Variants in ZNF766 observed in about 807,000 individuals in gnomAD.
ZNF766 encodes zinc finger protein 766.
Under a neutral mutation model 13.2 loss-of-function variants are expected in ZNF766, and 13 were observed. The ratio of observed to expected loss-of-function variants is 0.98; its 90% CI spans 0.64 to 1.56. ZNF766 has a LOEUF of 1.56. Ranked by LOEUF, ZNF766 falls within the 40% of genes most tolerant of loss-of-function variation. The pLI is 0.00. For synonymous variants in ZNF766, 178 were observed against 187.6 expected, an observed-to-expected ratio of 0.95 and a Z score of 0.42; for missense variants, 521 against 552.2, an observed-to-expected ratio of 0.94 and a Z score of 0.57.
chr19:52,281,350 C>T (rs1005683069), intron 1 of ZNF766: 2 of 257,138 alleles, frequency 7.8e-6, no homozygotes, highest in African/African-American at 4.8e-5. Flanking sequence ...GAAACCTTGT[C>T]TCTACTGAAA....
chr19:52,272,255 C>G (rs967210322), intron 1 of ZNF766, among the ~76,000 whole-genome samples: 1 of 152,116 alleles, frequency 6.6e-6, no homozygotes, highest in African/African-American at 2.4e-5. Flanking sequence ...CTCTGTGTTT[C>G]GAAGTCCAAT....
chr19:52,290,422 G>T lies in ZNF766; in HGVS notation c.631G>T (p.Ala211Ser). 1.2e-6 allele frequency: 2 copies of T among 1,613,920 alleles called. No homozygotes were observed. Among genetic ancestry groups the T allele is most frequent in the Non-Finnish European group, 1.7e-6 (2 of 1,180,028 alleles). ...SLPNHQVIHTADKPNRCHECG... is the reference protein window; with the variant it reads ...SLPNHQVIHTSDKPNRCHECG... Reference sequence around the variant, plus strand: ...TCCTAATCATCAAGTAATCCACACTGCAGATAAACCTAACAGATGTCATGA... The same window carrying T: ...TCCTAATCATCAAGTAATCCACACTTCAGATAAACCTAACAGATGTCATGA... The change falls in exon 4 of 4, where the codon GCA becomes TCA. Residue 211 changes from alanine (A) to serine (S), a missense_variant. By Grantham distance (99) the Ala-to-Ser change is moderately conservative (BLOSUM62 1). Coordinates refer to ENST00000439461, the MANE Select transcript of ZNF766 (RefSeq NM_001010851.3).
At chr19:52,270,711 A>G (rs535251799) in intron 1 of ZNF766, among the ~76,000 whole-genome samples, 2 of 152,226 alleles carry the variant, frequency 1.3e-5, no homozygotes, top group East Asian at 3.9e-4. Context: ...GCAGAAATAT[A>G]TGGAGATTGG....
At chr19:52,280,232 C>T (rs1369402678) in intron 1 of ZNF766, among the ~76,000 whole-genome samples, 2 of 152,046 alleles carry the variant, frequency 1.3e-5, no homozygotes, top group South Asian at 2.1e-4. Flanking sequence ...GCAGTATGTG[C>T]ACCGTTAGCC....
intron 1 of ZNF766, among the ~76,000 whole-genome samples, chr19:52,275,042 A>G (rs966538218): frequency 1.3e-5 from 2 of 152,188 alleles, no homozygotes; most frequent in African/African-American, 2.4e-5. Flanking sequence ...GACAAAAGAA[A>G]CAAAGCAAGC....
chr19:52,291,906 C>T lies in ZNF766; in HGVS notation c.*708C>T, dbSNP rs910119351. 2.3e-5 allele frequency: 11 copies of T among 487,140 alleles called. No homozygotes were observed. Among genetic ancestry groups the T allele is most frequent in the Non-Finnish European group, 4.0e-5 (11 of 275,082 alleles). The allele number at this position is 487,140 out of a possible 1,614,324, so 30.2% of individuals were successfully genotyped here. On this transcript the variant is annotated 3_prime_UTR_variant, in exon 4 of 4. Transcript: ENST00000439461. ...TATGGGCAACGTAGCAAGGCCCATC[C>T]CTACAAAATAAAAAAAATAAGCCAG...
intron 1 of ZNF766, chr19:52,277,303 C>T (rs1374848785): frequency 1.0e-6 from 1 of 964,886 alleles, no homozygotes; most frequent in Non-Finnish European, 1.5e-6. Flanking sequence ...ACTACGAATA[C>T]AAAAAATTAC....
At chr19:52,279,216 C>T (rs1981362024) in intron 1 of ZNF766, among the ~76,000 whole-genome samples, 1 of 152,136 alleles carries the variant, frequency 6.6e-6, no homozygotes, top group South Asian at 2.1e-4. Flanking sequence ...GCTGACTATT[C>T]TGTTCCATTG....
intron 1 of ZNF766, among the ~76,000 whole-genome samples, chr19:52,280,504 T>C (rs1402686547): frequency 6.6e-6 from 1 of 152,238 alleles, no homozygotes; most frequent in African/African-American, 2.4e-5. Flanking sequence ...GTGATGTGTT[T>C]GCATGAGTGC....
At chr19:52,284,883 G>A (rs1246504020) in intron 3 of ZNF766, 1 of 152,058 alleles carries the variant, frequency 6.6e-6, no homozygotes, top group Non-Finnish European at 1.5e-5. Flanking sequence ...GATTCACTGG[G>A]TGTGCCGCCC....
Position 52,282,209 on chromosome 19 carries a change from G to A in ZNF766, c.117G>A (p.Leu39=). Residue 39 remains leucine (L), a synonymous_variant, in exon 2 of 4, where the codon TTG becomes TTA. Coordinates refer to ENST00000439461, the MANE Select transcript of ZNF766 (RefSeq NM_001010851.3). ...VQKALYRDVM[L]ENYRNLVSLG... ...AGGCTTTATACAGGGATGTGATGTT[G>A]GAGAACTACAGGAACCTGGTCTCCC... 1 of 1,604,188 alleles carries A rather than the reference G, an allele frequency of 6.2e-7. No individual in the cohort carries two copies. Among genetic ancestry groups the A allele is most frequent in the Non-Finnish European group, 8.5e-7 (1 of 1,173,746 alleles).
Position 52,275,996 on chromosome 19 carries a change from T to C in ZNF766, c.19-6115T>C, listed in dbSNP as rs576616314. 3.9e-5 allele frequency among the ~76,000 whole-genome samples: 6 copies of C among 152,336 alleles called. No individual in the cohort carries two copies. In the South Asian group the frequency reaches 1.2e-3, roughly 32 times the overall value. On this transcript the variant is annotated intron_variant, in intron 1 of 3. Transcript: ENST00000439461. The stretch of plus-strand genomic sequence containing the variant: ...GTGCCTGGCCTTACTGTACCTTTTC[T>C]ATATTTAGATATGTTTTGACTTACG...
intron 1 of ZNF766, 30 bp from the exon 2 acceptor site, chr19:52,282,081 C>G (rs761996725): frequency 3.2e-6 from 5 of 1,585,610 alleles, no homozygotes; most frequent in Admixed American, 1.7e-5. Context: ...CTCTCCTTAC[C>G]CTGTTGGTCA....
chr19:52,272,991 A>G (rs1270772944), intron 1 of ZNF766, among the ~76,000 whole-genome samples: 2 of 151,238 alleles, frequency 1.3e-5, no homozygotes, highest in East Asian at 3.9e-4. Context: ...AATATGTAAG[A>G]TGTTACATTG....
In ZNF766 at chr19:52,290,373, A is replaced by G. The variant is rs1982065933; in HGVS notation, c.582A>G (p.Lys194=). 1.3e-5 allele frequency: 21 copies of G among 1,614,070 alleles called. No individual in the cohort carries two copies. The highest frequency in any genetic ancestry group is 1.8e-5 in the Non-Finnish European group (21 of 1,180,034). Reference sequence around the variant, plus strand: ...CTTACGAATGTAATGAGCAGGGCAAAGTCTTCAGAGTGTCTTCAAGCCTTC... The same window carrying G: ...CTTACGAATGTAATGAGCAGGGCAAGGTCTTCAGAGTGTCTTCAAGCCTTC... ...RKPYECNEQG[K]VFRVSSSLPN... Residue 194 remains lysine (K), a synonymous_variant, in exon 4 of 4, where the codon AAA becomes AAG. Transcript: ENST00000439461.
At chr19:52,280,685 C>G (rs939753117) in intron 1 of ZNF766, among the ~76,000 whole-genome samples, 1 of 151,954 alleles carries the variant, frequency 6.6e-6, no homozygotes, top group East Asian at 2.0e-4. Context: ...TGGGTTCAAG[C>G]GGTTCTTCTG....
chr19:52,281,763 A>G (rs368564367), intron 1 of ZNF766: 6 of 484,986 alleles, frequency 1.2e-5, no homozygotes, highest in Non-Finnish European at 2.6e-5. Flanking sequence ...TTAACCCACA[A>G]TTCTATAGAA....
intron 1 of ZNF766, chr19:52,281,836 G>A: frequency 1.9e-6 from 1 of 532,842 alleles, no homozygotes; most frequent in Non-Finnish European, 3.8e-6. Flanking sequence ...TAGAATACAA[G>A]TAGTTGGCGT....
intron 3 of ZNF766, 90 bp from the exon 4 acceptor site, chr19:52,289,975 TG>T: frequency 7.3e-7 from 1 of 1,371,632 alleles, no homozygotes; most frequent in Non-Finnish European, 9.9e-7. Context: ...CACTCCAGCC[TG>T]GGTGGCAAAG....
Sources: allele counts gnomAD v4.1 joint callset (sites outside exome capture counted in the v4.1 genomes callset), GRCh38; gene constraint gnomAD v4.1.1; transcripts MANE v1.5; gene names NCBI Gene and HGNC (gene_info 2026-07-23, HGNC 2026-07-21).